PLXNA4: variants seen among roughly 807,000 people sequenced by gnomAD.
PLXNA4 encodes the protein plexin A4, also known as plexin-A4.
In PLXNA4, 44 loss-of-function variants were observed where a neutral mutation model predicts 191.8. The ratio of observed to expected loss-of-function variants is 0.23; its 90% CI spans 0.18 to 0.29. The LOEUF is 0.29. Among genes scored for constraint, PLXNA4 ranks in the 10% least tolerant of loss-of-function variants. PLXNA4 has a pLI of 1.00. For missense variants in PLXNA4, 1,800 were observed against 2,488.8 expected, an observed-to-expected ratio of 0.72 and a Z score of 5.89; for synonymous variants, 1,082 against 1,009.5, an observed-to-expected ratio of 1.07 and a Z score of -1.36.
At chr7:132,500,733 A>G (rs1798214875) in intron 2 of PLXNA4, among the ~76,000 whole-genome samples, 1 of 152,204 alleles carries the variant, frequency 6.6e-6, no homozygotes, top group South Asian at 2.1e-4. Context: ...TCCTATGAAT[A>G]TAAGGGGCTG....
rs1803251094 is a variant in PLXNA4 at position 132,621,064 on chromosome 7, CA to C, written c.-87+24863del. Among the ~76,000 whole-genome samples the C allele has an allele frequency of 2.0e-5, 3 of 152,168 alleles. No individual in the cohort carries two copies. In the East Asian group the frequency reaches 5.8e-4, roughly 29 times the overall value. ...CCACTCTCATGAGTAAATCACATCC[CA>C]AAGGCCCTACCAACAAATACCATCA... On this transcript the variant is annotated intron_variant, in intron 2 of 4. Coordinates refer to the PLXNA4 transcript ENST00000378539.
At chr7:132,176,701 G>A (rs544504088) in intron 20 of PLXNA4, among the ~76,000 whole-genome samples, 44 of 150,946 alleles carry the variant, frequency 2.9e-4, no homozygotes, top group Middle Eastern at 3.6e-3. Flanking sequence ...TGAGTGCATG[G>A]ATGTGAATGA....
At chr7:132,530,864 T>G (rs1190033187) in intron 1 of PLXNA4, among the ~76,000 whole-genome samples, 1 of 152,130 alleles carries the variant, frequency 6.6e-6, no homozygotes, top group African/African-American at 2.4e-5. Context: ...AGAAACAAAA[T>G]GTGATATATC....
intron 1 of PLXNA4, among the ~76,000 whole-genome samples, chr7:132,529,546 T>C (rs1189620430): frequency 6.6e-6 from 1 of 151,948 alleles, no homozygotes; most frequent in East Asian, 1.9e-4. Context: ...CCCCAGTAAC[T>C]CTGGTCTAAA....
intron 8 of PLXNA4, among the ~76,000 whole-genome samples, 157 bp from the exon 9 acceptor site, chr7:132,223,798 C>T (rs1798223528): frequency 6.6e-6 from 1 of 152,152 alleles, no homozygotes. Flanking sequence ...TATCCCTTTA[C>T]TCCCCAAGAC....
At chr7:132,501,065 T>A (rs1318457868) in intron 2 of PLXNA4, among the ~76,000 whole-genome samples, 1 of 151,394 alleles carries the variant, frequency 6.6e-6, no homozygotes, top group Admixed American at 6.6e-5. Context: ...GGCTTCCCAT[T>A]TTGGCAGGGT....
chr7:132,631,279 C>T (rs1803485459), intron 2 of PLXNA4, among the ~76,000 whole-genome samples: 1 of 152,184 alleles, frequency 6.6e-6, no homozygotes, highest in Non-Finnish European at 1.5e-5. Context: ...CAATTTATCT[C>T]ATTACTTTGT....
chr7:132,334,926 G>C (rs930724541), intron 3 of PLXNA4, among the ~76,000 whole-genome samples: 1 of 152,176 alleles, frequency 6.6e-6, no homozygotes, highest in South Asian at 2.1e-4. Context: ...TGCTTTTGCT[G>C]TTCTTTCAAT....
At chr7:132,612,194 A>G (rs1803061139) in intron 2 of PLXNA4, among the ~76,000 whole-genome samples, 1 of 152,218 alleles carries the variant, frequency 6.6e-6, no homozygotes, top group Non-Finnish European at 1.5e-5. Context: ...GGACTTAGTC[A>G]CATGGCCACA....
At chr7:132,289,772 A>G (rs1226882514) in intron 4 of PLXNA4, among the ~76,000 whole-genome samples, 1 of 151,810 alleles carries the variant, frequency 6.6e-6, no homozygotes, top group African/African-American at 2.4e-5. Context: ...CCCTCAACCA[A>G]TTCTTCTACC....
intron 1 of PLXNA4, among the ~76,000 whole-genome samples, chr7:132,527,395 T>G (rs1585277943): frequency 6.6e-6 from 1 of 152,058 alleles, no homozygotes; most frequent in East Asian, 1.9e-4. Context: ...TGTAGGCATT[T>G]TAGGCAGGAA....
At chr7:132,304,922 G>A (rs1437830788) in intron 3 of PLXNA4, among the ~76,000 whole-genome samples, 6 of 152,176 alleles carry the variant, frequency 3.9e-5, no homozygotes, top group Non-Finnish European at 1.5e-5. Context: ...CCAGCTGTAT[G>A]GTCCCCATCA....
intron 3 of PLXNA4, among the ~76,000 whole-genome samples, chr7:132,339,769 G>C (rs772343943): frequency 1.3e-5 from 2 of 152,124 alleles, no homozygotes; most frequent in Non-Finnish European, 2.9e-5. Context: ...CCCACACTTA[G>C]TTTAGGTGCC....
intron 13 of PLXNA4, among the ~76,000 whole-genome samples, chr7:132,197,113 C>G (rs1295583858): frequency 6.6e-6 from 1 of 152,282 alleles, no homozygotes; most frequent in South Asian, 2.1e-4. Context: ...TGCTGTTATA[C>G]TTCGCACAAG....
At chr7:132,490,500 A>G (rs1176327564) in intron 2 of PLXNA4, among the ~76,000 whole-genome samples, 7 of 137,962 alleles carry the variant, frequency 5.1e-5, no homozygotes, top group African/African-American at 1.9e-4. Flanking sequence ...ATAATGGCTC[A>G]CTGCAGCCTT....
At chr7:132,446,716 C>T (rs919847) in intron 3 of PLXNA4, among the ~76,000 whole-genome samples, 4,939 of 152,294 alleles carry the variant, frequency 0.032, 243 homozygotes, top group African/African-American at 0.11. Flanking sequence ...AAAAACCCCA[C>T]CCTATCCGAA....
chr7:132,417,770 C>T (rs188389981), intron 3 of PLXNA4, among the ~76,000 whole-genome samples: 1 of 151,976 alleles, frequency 6.6e-6, no homozygotes, highest in African/African-American at 2.4e-5. Flanking sequence ...TCAACAAATG[C>T]CCAATCTGTT....
At chr7:132,165,461 C>T (rs954626347) in intron 22 of PLXNA4, among the ~76,000 whole-genome samples, 5 of 152,128 alleles carry the variant, frequency 3.3e-5, no homozygotes, top group South Asian at 2.1e-4. Context: ...TTGGCTGGAA[C>T]GCCTTAGAGC....
intron 12 of PLXNA4, among the ~76,000 whole-genome samples, chr7:132,201,669 C>T (rs9649574): frequency 0.16 from 24,032 of 152,194 alleles, 2,490 homozygotes; most frequent in East Asian, 0.44. Context: ...CCACAGATGA[C>T]ATGGTGCCAT....
Sources: allele counts gnomAD v4.1 joint callset (sites outside exome capture counted in the v4.1 genomes callset), GRCh38; gene constraint gnomAD v4.1.1; transcripts MANE v1.5; gene names NCBI Gene and HGNC (gene_info 2026-07-23, HGNC 2026-07-21).